Variants in NDST4 observed in about 807,000 individuals in gnomAD.
NDST4 encodes N-heparan sulfate sulfotransferase 4.
Under a neutral mutation model 100.8 loss-of-function variants are expected in NDST4, and 63 were observed. The ratio of observed to expected loss-of-function variants is 0.62; its 90% CI spans 0.51 to 0.77. The LOEUF (loss-of-function observed/expected upper bound fraction) is 0.77. NDST4 is among the 30% of genes least tolerant of loss of function. The pLI is 0.00. For synonymous variants in NDST4, 377 were observed against 361.8 expected, an observed-to-expected ratio of 1.04 and a Z score of -0.48; for missense variants, 943 against 1,018.4, an observed-to-expected ratio of 0.93 and a Z score of 1.01.
chr4:115,073,200 C>T (rs1729112479), intron 2 of NDST4, among the ~76,000 whole-genome samples: 4 of 151,808 alleles, frequency 2.6e-5, no homozygotes, highest in Admixed American at 2.6e-4. Flanking sequence ...AAGGGGGAAC[C>T]CTCATGTACA....
intron 1 of NDST4, among the ~76,000 whole-genome samples, chr4:115,082,239 A>G (rs550911278): frequency 1.6e-4 from 25 of 152,350 alleles, no homozygotes; most frequent in Non-Finnish European, 2.9e-4. Context: ...AAAATATTAT[A>G]TGATGATATT....
chr4:114,970,696 C>A (rs1276348283), intron 3 of NDST4, 112 bp from the exon 4 acceptor site: 2 of 886,444 alleles, frequency 2.3e-6, no homozygotes, highest in Admixed American at 6.0e-5. Flanking sequence ...ATATCCAATT[C>A]TGTGGGCTTT....
intron 6 of NDST4, among the ~76,000 whole-genome samples, chr4:114,877,791 T>C (rs1724286929): frequency 6.6e-6 from 1 of 151,866 alleles, no homozygotes; most frequent in Non-Finnish European, 1.5e-5. Flanking sequence ...CTACTACAAA[T>C]ACAAAAAGTA....
intron 2 of NDST4, among the ~76,000 whole-genome samples, chr4:115,029,250 A>G (rs1013280573): frequency 1.3e-5 from 2 of 152,116 alleles, no homozygotes; most frequent in African/African-American, 4.8e-5. Flanking sequence ...AGCAGTGAGC[A>G]TGTTAATAGG....
chr4:115,033,002 C>T (rs1728146829), intron 2 of NDST4, among the ~76,000 whole-genome samples: 1 of 151,258 alleles, frequency 6.6e-6, no homozygotes, highest in Non-Finnish European at 1.5e-5. Context: ...TGTCTATTTA[C>T]CACTAATATT....
At chr4:114,882,769 G>A (rs1724398134) in intron 6 of NDST4, among the ~76,000 whole-genome samples, 1 of 151,568 alleles carries the variant, frequency 6.6e-6, no homozygotes, top group Admixed American at 6.6e-5. Context: ...GGAAGCTCAG[G>A]GAACATCAAG....
At chr4:115,047,227 A>T in intron 2 of NDST4, among the ~76,000 whole-genome samples, 1 of 152,256 alleles carries the variant, frequency 6.6e-6, no homozygotes, top group Non-Finnish European at 1.5e-5. Context: ...ACCTATTAAC[A>T]AAAATAAAAA....
intron 2 of NDST4, among the ~76,000 whole-genome samples, chr4:115,025,203 C>T (rs1727956894): frequency 6.6e-6 from 1 of 151,900 alleles, no homozygotes; most frequent in African/African-American, 2.4e-5. Flanking sequence ...ACACATCCAA[C>T]ATGGGAGGAA....
intron 2 of NDST4, among the ~76,000 whole-genome samples, chr4:115,052,267 C>G (rs1431066277): frequency 6.6e-6 from 1 of 152,132 alleles, no homozygotes; most frequent in Non-Finnish European, 1.5e-5. Context: ...CACAAGCCAG[C>G]AATGTCAGTA....
chr4:114,986,832 A>ATATATATATATATATATATT lies in NDST4; in HGVS notation c.979-9559_979-9558insAATATATATATATATATATA. Among the ~76,000 whole-genome samples the ATATATATATATATATATATT allele has an allele frequency of 2.5e-3, 237 of 94,574 alleles. 12 individuals carry two copies. Among genetic ancestry groups the ATATATATATATATATATATT allele is most frequent in the Middle Eastern group, 7.9e-3 (1 of 126 alleles). 62.0% of individuals were successfully genotyped at this position (94,574 alleles called of 152,430 possible). On this transcript the variant is annotated intron_variant, in intron 2 of 13. Coordinates refer to ENST00000264363, the MANE Select transcript of NDST4 (RefSeq NM_022569.3). The stretch of plus-strand genomic sequence containing the variant: ...TATATATATATATATATATATATAT[A>ATATATATATATATATATATT]TTTTAATATACTATTCCTATAAGCT...
intron 1 of NDST4, among the ~76,000 whole-genome samples, chr4:115,112,621 G>C (rs868342987): frequency 6.6e-6 from 1 of 151,808 alleles, no homozygotes; most frequent in African/African-American, 2.4e-5. Context: ...GTAGAATATA[G>C]TATTTTATTA....
intron 11 of NDST4, among the ~76,000 whole-genome samples, chr4:114,835,726 C>A (rs1349531371): frequency 1.3e-5 from 2 of 152,080 alleles, no homozygotes; most frequent in African/African-American, 4.8e-5. Flanking sequence ...AAGTTTCCCA[C>A]CATTATTGTG....
At chr4:114,981,346 C>G (rs1660217898) in intron 2 of NDST4, among the ~76,000 whole-genome samples, 1 of 152,098 alleles carries the variant, frequency 6.6e-6, no homozygotes, top group Non-Finnish European at 1.5e-5. Flanking sequence ...TAATGGTATT[C>G]AAACTTTATT....
chr4:114,958,502 T>C (rs764974719), intron 4 of NDST4, among the ~76,000 whole-genome samples: 30 of 152,190 alleles, frequency 2.0e-4, no homozygotes, highest in Non-Finnish European at 3.5e-4. Context: ...ACACCACATG[T>C]AGGCTGCAAA....
At chr4:114,922,668 T>C (rs942915655) in intron 6 of NDST4, among the ~76,000 whole-genome samples, 5 of 152,148 alleles carry the variant, frequency 3.3e-5, no homozygotes, top group Non-Finnish European at 5.9e-5. Context: ...GAGACAAGAA[T>C]TGAGGTTTCA....
chr4:114,830,294 C>A (rs1723167370), intron 12 of NDST4, among the ~76,000 whole-genome samples: 1 of 152,116 alleles, frequency 6.6e-6, no homozygotes, highest in East Asian at 1.9e-4. Context: ...TATTTGAAAT[C>A]ATTCACTGGT....
At chr4:114,848,876 T>C (rs1219645899) in intron 8 of NDST4, among the ~76,000 whole-genome samples, 1 of 152,174 alleles carries the variant, frequency 6.6e-6, no homozygotes, top group Non-Finnish European at 1.5e-5. Flanking sequence ...CTTGGACAAG[T>C]ACACAAGTAA....
chr4:115,028,770 A>C (rs974991236), intron 2 of NDST4, among the ~76,000 whole-genome samples: 2 of 152,270 alleles, frequency 1.3e-5, no homozygotes, highest in South Asian at 4.1e-4. Flanking sequence ...TTTTATTATA[A>C]AAATGTGGTA....
At chr4:114,962,300 C>T (rs1417663847) in intron 4 of NDST4, among the ~76,000 whole-genome samples, 1 of 143,970 alleles carries the variant, frequency 6.9e-6, no homozygotes, top group Non-Finnish European at 1.5e-5. Flanking sequence ...CTGAAAGTTA[C>T]AGTCAGGACA....
Sources: allele counts gnomAD v4.1 joint callset (sites outside exome capture counted in the v4.1 genomes callset), GRCh38; gene constraint gnomAD v4.1.1; transcripts MANE v1.5; gene names NCBI Gene and HGNC (gene_info 2026-07-23, HGNC 2026-07-21).